NEMF: variants seen among roughly 807,000 people sequenced by gnomAD.
NEMF encodes nuclear export mediator factor, also known as ribosome quality control complex subunit NEMF.
In NEMF, 89 loss-of-function variants were observed where a neutral mutation model predicts 162.2. The observed-to-expected ratio is 0.55, with a 90% CI of 0.46 to 0.65. The LOEUF (loss-of-function observed/expected upper bound fraction) is 0.65, where lower values mean the gene tolerates loss of function less well. NEMF is among the 30% of genes least tolerant of loss of function. The pLI is 0.00. For missense variants in NEMF, 1,133 were observed against 1,261.9 expected, an observed-to-expected ratio of 0.90 and a Z score of 1.55; for synonymous variants, 421 against 404.5, an observed-to-expected ratio of 1.04 and a Z score of -0.49.
At chr14:49,817,168 C>T (rs549370544) in intron 16 of NEMF, among the ~76,000 whole-genome samples, 7 of 152,270 alleles carry the variant, frequency 4.6e-5, no homozygotes, top group Admixed American at 2.0e-4. Flanking sequence ...ACAGGCCAGG[C>T]GCGGTGGCTT....
intron 26 of NEMF, among the ~76,000 whole-genome samples, chr14:49,794,088 A>G (rs1222045136): frequency 6.6e-6 from 1 of 152,200 alleles, no homozygotes; most frequent in African/African-American, 2.4e-5. Flanking sequence ...AATATCAGGT[A>G]GTGGTCCTCT....
chr14:49,847,706 CTTTTTTT>C (rs79188374), intron 3 of NEMF, among the ~76,000 whole-genome samples: 136 of 138,016 alleles, frequency 9.9e-4, no homozygotes, highest in Middle Eastern at 3.8e-3. Context: ...CCTACCAATT[CTTTTTTT>C]TTTTTTTTTT....
chr14:49,788,747 C>G (rs1272210503), intron 28 of NEMF, among the ~76,000 whole-genome samples: 2 of 151,896 alleles, frequency 1.3e-5, no homozygotes, highest in African/African-American at 4.8e-5. Flanking sequence ...TTAGTAGAGA[C>G]AGGGTTTCAC....
chr14:49,851,698 G>C, intron 2 of NEMF, 33 bp from the exon 3 acceptor site: 1 of 1,561,494 alleles, frequency 6.4e-7, no homozygotes, highest in Non-Finnish European at 8.8e-7. Flanking sequence ...TTTTCTTTAG[G>C]GTATATGCCA....
chr14:49,839,370 A>G (rs947966700), intron 5 of NEMF: 2 of 152,200 alleles, frequency 1.3e-5, no homozygotes, highest in African/African-American at 4.8e-5. Context: ...CGTGAGCTAC[A>G]GTGCCTGATC....
At chr14:49,828,914 A>T (rs1280188856) in intron 13 of NEMF, 107 bp from the exon 14 acceptor site, 1 of 1,279,482 alleles carries the variant, frequency 7.8e-7, no homozygotes, top group Non-Finnish European at 1.1e-6. Context: ...TGGAAGTTTC[A>T]TTATTTATTT....
rs1314605750 is a variant in NEMF, at chr14:49,840,885, C to T, written c.358-19G>A. On this transcript the variant is annotated intron_variant, in intron 4 of 32. Transcript: ENST00000298310. ...TGTTCCCCTGCAATAAAATAAAATA[C>T]AATTTAGCGCTCTTTCAAATAATTT... 1 of 1,601,926 alleles carries T rather than the reference C, an allele frequency of 6.2e-7. No homozygotes were observed. The highest frequency in any genetic ancestry group is 1.1e-5 in the South Asian group (1 of 89,906).
intron 23 of NEMF, 104 bp from the exon 24 acceptor site, chr14:49,799,782 A>G: frequency 1.1e-6 from 1 of 949,246 alleles, no homozygotes; most frequent in Admixed American, 2.5e-5. Flanking sequence ...TGGCAATCCA[A>G]CAAATTTTCA....
chr14:49,800,648 G>A lies in NEMF; in HGVS notation c.2144C>T (p.Pro715Leu). ...CTGAGTCATGAGTTCTACTTCCACA[G>A]GAGTTTCATGTTCTTCTTTATCCTC... ...SDEDKEEHET[P>L]VEVELMTQVD... The change falls in exon 23 of 33, where the codon CCT becomes CTT. Residue 715 changes from proline to leucine, a missense_variant. This residue lies in a region of NEMF where 532 missense variants were observed against 578.6 expected (regional missense o/e 0.92). Coordinates refer to ENST00000298310, the MANE Select transcript of NEMF (RefSeq NM_004713.6). 6.2e-7 allele frequency: 1 copy of A among 1,613,860 alleles called. No individual in the cohort carries two copies. Among genetic ancestry groups the A allele is most frequent in the African/African-American group, 1.3e-5 (1 of 75,006 alleles).
At chr14:49,809,691 T>G (rs1263721910) in intron 18 of NEMF, among the ~76,000 whole-genome samples, 1 of 151,894 alleles carries the variant, frequency 6.6e-6, no homozygotes, top group African/African-American at 2.4e-5. Context: ...AAAACCCTGT[T>G]TCTTCTAAAA....
chr14:49,785,528 TG>T, intron 29 of NEMF: 1 of 495,062 alleles, frequency 2.0e-6, no homozygotes, highest in Non-Finnish European at 3.7e-6. Flanking sequence ...ACTTAATTTT[TG>T]CCTAGCATAA....
intron 7 of NEMF, 110 bp downstream of exon 7, chr14:49,834,253 G>C (rs1457759296): frequency 1.4e-6 from 1 of 699,388 alleles, no homozygotes; most frequent in Non-Finnish European, 2.5e-6. Flanking sequence ...AGTGTGCCTG[G>C]TCAAATGTTT....
At chr14:49,841,196 C>CA (rs34039009) in intron 4 of NEMF, among the ~76,000 whole-genome samples, 1,055 of 56,742 alleles carry the variant, frequency 0.019, 44 homozygotes, top group African/African-American at 0.062. Context: ...AACTCTGTCT[C>CA]AAAAAAAAAA....
In NEMF at chr14:49,784,589, A is replaced by G. The variant is rs778899391; in HGVS notation, c.*47T>C. The G allele has an allele frequency of 7.5e-7, 1 of 1,327,344 alleles. No individual in the cohort carries two copies. The highest frequency in any genetic ancestry group is 1.1e-6 in the Non-Finnish European group (1 of 930,704). The allele number at this position is 1,327,344 out of a possible 1,614,324, so 82.2% of individuals were successfully genotyped here. A position where few individuals can be genotyped will look rare whatever the true frequency, so the allele number is the denominator to read the frequency against. ...GTGCTTTCATCTTTGAACTTCCAAA[A>G]GGCTATAAAATTGGCTCTTCTCAAA... On this transcript the variant is annotated 3_prime_UTR_variant, in exon 33 of 33. Transcript: ENST00000298310.
intron 18 of NEMF, among the ~76,000 whole-genome samples, chr14:49,809,265 G>A (rs4420441): frequency 1 from 151,786 of 152,344 alleles, 75,617 homozygotes; most frequent in Middle Eastern, 1. Context: ...CAAAACATGG[G>A]GGCAACCAAA....
rs946955982 is a variant in NEMF at position 49,851,671 on chromosome 14, G to T, written c.129-6C>A. On this transcript the variant is annotated splice_region_variant and splice_polypyrimidine_tract_variant and intron_variant, in intron 2 of 32. Coordinates refer to ENST00000298310, the MANE Select transcript of NEMF (RefSeq NM_004713.6). Reference sequence around the variant, plus strand: ...GTGTAGCTTTAAAGTCCGGTCTGTAGAAGAAAAAAGTCGAATTTTTCTTTA... The same window carrying T: ...GTGTAGCTTTAAAGTCCGGTCTGTATAAGAAAAAAGTCGAATTTTTCTTTA... 1.2e-6 allele frequency: 2 copies of T among 1,610,786 alleles called. No homozygotes were observed. The highest frequency in any genetic ancestry group is 1.1e-5 in the South Asian group (1 of 90,914).
intron 26 of NEMF, among the ~76,000 whole-genome samples, chr14:49,792,527 T>C (rs1355056375): frequency 6.6e-6 from 1 of 152,174 alleles, no homozygotes; most frequent in Non-Finnish European, 1.5e-5. Context: ...CTCCATTTTA[T>C]ACAAAGTTCT....
chr14:49,785,031 A>G (rs1890099357), intron 31 of NEMF, 27 bp from the exon 32 acceptor site: 1 of 1,608,572 alleles, frequency 6.2e-7, no homozygotes, highest in Non-Finnish European at 8.5e-7. Flanking sequence ...GAGTAAGAAT[A>G]ATCTACTGTT....
intron 29 of NEMF, 79 bp downstream of exon 29, chr14:49,786,639 A>C (rs1419215173): frequency 7.2e-7 from 1 of 1,391,944 alleles, no homozygotes; most frequent in Admixed American, 1.8e-5. Context: ...TCTAAGTTTT[A>C]ATAAGTTGTG....
Sources: allele counts gnomAD v4.1 joint callset (sites outside exome capture counted in the v4.1 genomes callset), GRCh38; gene constraint gnomAD v4.1.1; regional missense constraint gnomAD v4.1.1; transcripts MANE v1.5; gene names NCBI Gene and HGNC (gene_info 2026-07-23, HGNC 2026-07-21).